Variants in CACNA2D1 observed in about 807,000 individuals in gnomAD.
The protein encoded by CACNA2D1 is voltage-dependent calcium channel subunit alpha-2/delta-1.
Under a neutral mutation model 171.5 loss-of-function variants are expected in CACNA2D1, and 53 were observed. That is an observed-to-expected ratio of 0.31 (90% CI 0.25 to 0.39). CACNA2D1 has a LOEUF of 0.39. Ranked by LOEUF, CACNA2D1 falls within the 10% of genes least tolerant of loss-of-function variation. CACNA2D1 has a pLI of 1.00. For synonymous variants in CACNA2D1, 442 were observed against 443.1 expected, an observed-to-expected ratio of 1.00 and a Z score of 0.03; for missense variants, 903 against 1,299.8, an observed-to-expected ratio of 0.69 and a Z score of 4.69.
intron 1 of CACNA2D1, among the ~76,000 whole-genome samples, chr7:82,372,204 T>C (rs1822492796): frequency 1.3e-5 from 2 of 152,280 alleles, no homozygotes; most frequent in South Asian, 2.1e-4. Context: ...CTGTAGATTA[T>C]TGGATTTGGA....
At chr7:82,395,151 G>T (rs572669906) in intron 1 of CACNA2D1, among the ~76,000 whole-genome samples, 4 of 152,026 alleles carry the variant, frequency 2.6e-5, no homozygotes, top group South Asian at 2.1e-4. Context: ...TCAAATGCCT[G>T]TTATATGTTG....
In CACNA2D1 at chr7:81,962,645, A is replaced by C. The variant is rs186183392; in HGVS notation, c.2781-150T>G. The C allele has an allele frequency of 9.3e-5, 58 of 621,106 alleles. No homozygotes were observed. In the East Asian group the frequency reaches 1.7e-3, roughly 18 times the overall value. The allele number at this position is 621,106 out of a possible 1,614,324, so 38.5% of individuals were successfully genotyped here. ...TTAAGTATTTTCAAAATTATATAAC[A>C]CATTGTAACCTTTTTGTAATGTGTA... On this transcript the variant is annotated intron_variant, in intron 34 of 38. Coordinates refer to ENST00000356860, the MANE Select transcript of CACNA2D1 (RefSeq NM_000722.4).
At chr7:82,413,645 A>C (rs1827898320) in intron 1 of CACNA2D1, among the ~76,000 whole-genome samples, 1 of 152,260 alleles carries the variant, frequency 6.6e-6, no homozygotes, top group Non-Finnish European at 1.5e-5. Flanking sequence ...GTAAAGACAA[A>C]GTAATTTAGG....
chr7:81,969,374 C>G (rs1795037680), intron 28 of CACNA2D1, among the ~76,000 whole-genome samples: 1 of 151,368 alleles, frequency 6.6e-6, no homozygotes, highest in Non-Finnish European at 1.5e-5. Context: ...TTGAAATTCT[C>G]TGAACTTGTT....
chr7:82,317,834 T>A (rs1222049805), intron 3 of CACNA2D1, among the ~76,000 whole-genome samples: 2 of 151,902 alleles, frequency 1.3e-5, no homozygotes, highest in Non-Finnish European at 2.9e-5. Flanking sequence ...CAATAAACAG[T>A]TATTTGGGGA....
At chr7:82,396,986 C>T (rs148514674) in intron 1 of CACNA2D1, among the ~76,000 whole-genome samples, 21 of 152,256 alleles carry the variant, frequency 1.4e-4, no homozygotes, top group African/African-American at 3.9e-4. Flanking sequence ...AATTGAAATG[C>T]GTTTCTTTTT....
At chr7:82,358,977 G>C (rs1431544247) in intron 1 of CACNA2D1, among the ~76,000 whole-genome samples, 1 of 152,026 alleles carries the variant, frequency 6.6e-6, no homozygotes, top group African/African-American at 2.4e-5. Flanking sequence ...TAGTAACATA[G>C]TTCCATGGAT....
chr7:82,257,381 T>C (rs1239856556), intron 3 of CACNA2D1, among the ~76,000 whole-genome samples: 3 of 152,210 alleles, frequency 2.0e-5, no homozygotes, highest in Non-Finnish European at 4.4e-5. Flanking sequence ...AAAACACACA[T>C]TCTGTGCCAA....
At chr7:81,988,781 A>G (rs1009559424) in intron 21 of CACNA2D1, among the ~76,000 whole-genome samples, 7 of 152,208 alleles carry the variant, frequency 4.6e-5, no homozygotes, top group Admixed American at 3.3e-4. Flanking sequence ...AGTGCCAACT[A>G]TGTGCCACTG....
At chr7:82,040,310 T>C (rs2131220939) in intron 10 of CACNA2D1, among the ~76,000 whole-genome samples, 1 of 152,192 alleles carries the variant, frequency 6.6e-6, no homozygotes, top group South Asian at 2.1e-4. Context: ...GGTTCAGGGA[T>C]AATTGAGGAA....
At chr7:82,334,986 A>T in intron 3 of CACNA2D1, 149 bp downstream of exon 3, 1 of 595,278 alleles carries the variant, frequency 1.7e-6, no homozygotes, top group South Asian at 2.4e-5. Flanking sequence ...TTGCATTTAA[A>T]CCATGATATC....
At position 82,389,099 on chromosome 7, in the gene CACNA2D1, G is replaced by A. The variant is rs542823356; in HGVS notation, c.96-39450C>T. 6.0e-5 allele frequency among the ~76,000 whole-genome samples: 9 copies of A among 149,902 alleles called. No homozygotes were observed. The South Asian group carries it at 1.9e-3, about 32-fold the overall frequency. On this transcript the variant is annotated intron_variant, in intron 1 of 38. Transcript: ENST00000356860. ...CCACTGCACTCCAGCCTGGGCAACA[G>A]AGCGAGACTCCATCTCAAAATAATA...
intron 3 of CACNA2D1, among the ~76,000 whole-genome samples, chr7:82,182,055 G>A (rs1797188906): frequency 6.6e-6 from 1 of 151,978 alleles, no homozygotes; most frequent in African/African-American, 2.4e-5. Flanking sequence ...AATGTACTGT[G>A]TATAGTCTTT....
intron 21 of CACNA2D1, among the ~76,000 whole-genome samples, chr7:81,988,967 G>T (rs1220143742): frequency 1.3e-5 from 2 of 152,190 alleles, no homozygotes; most frequent in Admixed American, 1.3e-4. Context: ...AAGTGGAAGA[G>T]GGAGATAGAG....
intron 13 of CACNA2D1, among the ~76,000 whole-genome samples, chr7:82,014,083 T>A (rs1224779265): frequency 1.3e-5 from 2 of 152,110 alleles, no homozygotes; most frequent in Non-Finnish European, 2.9e-5. Flanking sequence ...ATATTTAAGC[T>A]TTATGAAATT....
At chr7:82,164,613 A>G (rs181040794) in intron 4 of CACNA2D1, among the ~76,000 whole-genome samples, 1 of 152,114 alleles carries the variant, frequency 6.6e-6, no homozygotes, top group African/African-American at 2.4e-5. Context: ...TGGAGAGATT[A>G]TGCAATACAA....
chr7:82,294,849 G>A (rs1383388197), intron 3 of CACNA2D1, among the ~76,000 whole-genome samples: 1 of 152,018 alleles, frequency 6.6e-6, no homozygotes, highest in Non-Finnish European at 1.5e-5. Context: ...TACATTTTAT[G>A]TTGTTAAAAT....
At chr7:82,341,300 A>C (rs1210167079) in intron 2 of CACNA2D1, among the ~76,000 whole-genome samples, 1 of 152,128 alleles carries the variant, frequency 6.6e-6, no homozygotes, top group African/African-American at 2.4e-5. Context: ...TCATCATCTA[A>C]GCTGGCCATC....
intron 6 of CACNA2D1, among the ~76,000 whole-genome samples, chr7:82,110,681 A>C (rs557133913): frequency 6.6e-6 from 1 of 152,206 alleles, no homozygotes; most frequent in African/African-American, 2.4e-5. Flanking sequence ...TCCTGCCTGA[A>C]GATCTTTGAG....
Sources: allele counts gnomAD v4.1 joint callset (sites outside exome capture counted in the v4.1 genomes callset), GRCh38; gene constraint gnomAD v4.1.1; transcripts MANE v1.5; gene names NCBI Gene and HGNC (gene_info 2026-07-23, HGNC 2026-07-21).